Variants in CACNA1E observed in about 807,000 individuals in gnomAD.
CACNA1E encodes calcium voltage-gated channel subunit alpha1 E, also known as voltage-dependent R-type calcium channel subunit alpha-1E.
CACNA1E carries 40 observed loss-of-function variants against 259.2 expected under a neutral mutation model. The observed-to-expected ratio is 0.15, with a 90% CI of 0.12 to 0.20. The LOEUF is 0.20. CACNA1E is among the 10% of genes least tolerant of loss of function. The pLI is 1.00. For missense variants in CACNA1E, 1,874 were observed against 3,040.1 expected, an observed-to-expected ratio of 0.62 and a Z score of 9.02; for synonymous variants, 1,104 against 1,138.5, an observed-to-expected ratio of 0.97 and a Z score of 0.61.
At chr1:181,359,254 C>T (rs1571656819) in intron 1 of CACNA1E, among the ~76,000 whole-genome samples, 2 of 152,038 alleles carry the variant, frequency 1.3e-5, no homozygotes, top group African/African-American at 4.8e-5. Context: ...GACATATAAA[C>T]AAATAAGTAC....
At chr1:181,685,230 GTTTTT>G (rs139598690) in intron 7 of CACNA1E, among the ~76,000 whole-genome samples, 28 of 103,438 alleles carry the variant, frequency 2.7e-4, no homozygotes, top group South Asian at 1.5e-3. Flanking sequence ...CCACCTTTAA[GTTTTT>G]TTTTTTTTTT....
chr1:181,469,412 G>A (rs932679324), intron 2 of CACNA1E, among the ~76,000 whole-genome samples: 1 of 152,198 alleles, frequency 6.6e-6, no homozygotes, highest in Admixed American at 6.5e-5. Context: ...AACAGCATTA[G>A]AGACCTAGGA....
chr1:181,762,185 A>G (rs998441353), intron 32 of CACNA1E, among the ~76,000 whole-genome samples: 30 of 152,218 alleles, frequency 2.0e-4, no homozygotes, highest in African/African-American at 7.0e-4. Flanking sequence ...CGTTTCCCCA[A>G]ACCCATCAAG....
intron 3 of CACNA1E, among the ~76,000 whole-genome samples, chr1:181,516,813 C>A (rs1403139663): frequency 6.6e-6 from 1 of 152,202 alleles, no homozygotes; most frequent in Non-Finnish European, 1.5e-5. Context: ...CCTAAGAAAA[C>A]CCCCAAATCA....
chr1:181,720,520 G>A (rs768348854), intron 14 of CACNA1E, among the ~76,000 whole-genome samples, 183 bp downstream of exon 14: 1 of 152,168 alleles, frequency 6.6e-6, no homozygotes, highest in Non-Finnish European at 1.5e-5. Context: ...CTTTCATGCT[G>A]TACAGGGTTC....
At chr1:181,497,539 T>C (rs1295831480) in intron 1 of CACNA1E, among the ~76,000 whole-genome samples, 1 of 152,210 alleles carries the variant, frequency 6.6e-6, no homozygotes, top group East Asian at 1.9e-4. Flanking sequence ...AATGAATGCC[T>C]ATTGTATGAC....
intron 6 of CACNA1E, among the ~76,000 whole-genome samples, chr1:181,616,066 C>G (rs1197234689): frequency 6.6e-6 from 1 of 152,056 alleles, no homozygotes; most frequent in Non-Finnish European, 1.5e-5. Flanking sequence ...AGTGACATCA[C>G]CTTTGTTGTG....
intron 1 of CACNA1E, among the ~76,000 whole-genome samples, chr1:181,500,143 G>C (rs1665118384): frequency 6.6e-6 from 1 of 152,190 alleles, no homozygotes; most frequent in South Asian, 2.1e-4. Flanking sequence ...ACAGAGTAAG[G>C]CTCACCCAGG....
At chr1:181,639,222 G>A (rs1299884888) in intron 6 of CACNA1E, among the ~76,000 whole-genome samples, 1 of 152,048 alleles carries the variant, frequency 6.6e-6, no homozygotes, top group African/African-American at 2.4e-5. Context: ...CAAGTAGCTG[G>A]GACTACAGGT....
intron 1 of CACNA1E, among the ~76,000 whole-genome samples, chr1:181,490,134 T>G (rs1304423327): frequency 1.3e-5 from 2 of 152,170 alleles, no homozygotes; most frequent in African/African-American, 2.4e-5. Flanking sequence ...CTTATAAAGC[T>G]TGACGAGCCC....
chr1:181,660,790 A>T (rs575297401), intron 7 of CACNA1E, among the ~76,000 whole-genome samples: 2 of 152,298 alleles, frequency 1.3e-5, no homozygotes, highest in East Asian at 3.9e-4. Context: ...GCTGGCTGAC[A>T]TTGAAGGTGA....
intron 7 of CACNA1E, among the ~76,000 whole-genome samples, chr1:181,702,051 A>G (rs1334430433): frequency 6.6e-6 from 1 of 152,144 alleles, no homozygotes; most frequent in Non-Finnish European, 1.5e-5. Context: ...TATTGTGTGG[A>G]TGACAGAGAA....
At chr1:181,713,679 C>T (rs973059420) in intron 8 of CACNA1E, among the ~76,000 whole-genome samples, 1 of 152,180 alleles carries the variant, frequency 6.6e-6, no homozygotes, top group Admixed American at 6.5e-5. Flanking sequence ...AGCTTTCCCC[C>T]AGCAGCTGGG....
rs1658754356 is a variant in CACNA1E at position 181,651,508 on chromosome 1, A to C, written c.1055+67A>C. 4.6e-6 allele frequency: 5 copies of C among 1,089,768 alleles called. No homozygotes were observed. In the East Asian group the frequency reaches 1.2e-4, roughly 26 times the overall value. 67.5% of individuals were successfully genotyped at this position (1,089,768 alleles called of 1,614,324 possible). ...GCTAACTGTAAACTAATGCCTCCTG[A>C]CTCATGGCAGATTCATTCATTTAAC... On this transcript the variant is annotated intron_variant, in intron 7 of 47. Coordinates refer to ENST00000367573, the MANE Select transcript of CACNA1E (RefSeq NM_001205293.3).
rs145588775 is a variant in CACNA1E at position 181,407,260 on chromosome 1, G to C, written c.-14-5873G>C. Among the ~76,000 whole-genome samples, 23 of 152,326 alleles carry C rather than the reference G, an allele frequency of 1.5e-4. No individual in the cohort carries two copies. In the East Asian group the frequency reaches 4.4e-3, roughly 29 times the overall value. ...GTCCAGGGGAGAATAGAGCTTTGCA[G>C]GGAGTGGGGGTGGGTCAGGGAACAC... On this transcript the variant is annotated intron_variant, in intron 1 of 11. Transcript: ENST00000524607.
In CACNA1E at chr1:181,478,067, T is replaced by C. The variant is rs953852699; in HGVS notation, c.435-5677T>C. Among the ~76,000 whole-genome samples, 5 of 152,192 alleles carry C rather than the reference T, an allele frequency of 3.3e-5. No homozygotes were observed. In the East Asian group the frequency reaches 9.6e-4, roughly 29 times the overall value. ...TTGTGAAGAATCCTGTCCTTATTAT[T>C]AGGAGATCCAGCTCTGCTATTTCCT... On this transcript the variant is annotated intron_variant, in intron 2 of 11. Coordinates refer to the CACNA1E transcript ENST00000524607.
chr1:181,784,315 A>T (rs1459548142), intron 40 of CACNA1E, among the ~76,000 whole-genome samples: 1 of 152,156 alleles, frequency 6.6e-6, no homozygotes, highest in East Asian at 1.9e-4. Flanking sequence ...GGAGGGATTG[A>T]TGTATGGATA....
chr1:181,388,058 G>T (rs905772851), intron 1 of CACNA1E, among the ~76,000 whole-genome samples: 19 of 152,190 alleles, frequency 1.2e-4, no homozygotes, highest in African/African-American at 4.3e-4. Context: ...TGAGGATAAG[G>T]TCTCAATTCC....
At chr1:181,682,021 G>A (rs1476508305) in intron 7 of CACNA1E, among the ~76,000 whole-genome samples, 3 of 152,158 alleles carry the variant, frequency 2.0e-5, no homozygotes, top group African/African-American at 7.2e-5. Flanking sequence ...CCCTGGCAAT[G>A]CAATATTTGC....
Sources: allele counts gnomAD v4.1 joint callset (sites outside exome capture counted in the v4.1 genomes callset), GRCh38; gene constraint gnomAD v4.1.1; transcripts MANE v1.5; gene names NCBI Gene and HGNC (gene_info 2026-07-23, HGNC 2026-07-21).